XKR6: variants seen among roughly 807,000 people sequenced by gnomAD.
The protein encoded by XKR6 is XK related 6.
XKR6 carries 22 observed loss-of-function variants against 56.7 expected under a neutral mutation model. The ratio of observed to expected loss-of-function variants is 0.39; its 90% confidence interval spans 0.28 to 0.55. The LOEUF (loss-of-function observed/expected upper bound fraction) is 0.55, where lower values mean the gene tolerates loss of function less well. Ranked by LOEUF, XKR6 falls within the 20% of genes least tolerant of loss-of-function variation. XKR6 has a pLI of 0.66. For missense variants in XKR6, 852 were observed against 889.0 expected (o/e 0.96, Z 0.53); for synonymous variants, 524 against 387.8 (o/e 1.35, Z -4.13).
intron 1 of XKR6, among the ~76,000 whole-genome samples, chr8:10,956,126 T>C (rs7006612): frequency 0.19 from 28,686 of 152,152 alleles, 3,831 homozygotes; most frequent in African/African-American, 0.38. Flanking sequence ...GCTGCTCCCC[T>C]TCACAGGTCC....
intron 1 of XKR6, among the ~76,000 whole-genome samples, chr8:11,036,396 C>G (rs1799144671): frequency 6.6e-6 from 1 of 152,140 alleles, no homozygotes; most frequent in Non-Finnish European, 1.5e-5. Flanking sequence ...TAAGAATAAC[C>G]CCAAAGATAT....
rs1009916237 is a variant in XKR6, at chr8:10,912,205, G to A, written c.961+12429C>T. ...GTGTATATATAGAGTGGGATGGTGT[G>A]TGTGTGTATATATACAGAGAGAGAG... On this transcript the variant is annotated intron_variant, in intron 2 of 2. Transcript: ENST00000416569. Among the ~76,000 whole-genome samples the A allele has an allele frequency of 4.1e-5, 6 of 147,326 alleles. No individual in the cohort carries two copies. The Admixed American group carries it at 4.1e-4, about 10-fold the overall frequency.
chr8:11,002,990 G>C (rs1798278978), intron 1 of XKR6, among the ~76,000 whole-genome samples: 1 of 151,932 alleles, frequency 6.6e-6, no homozygotes, highest in Non-Finnish European at 1.5e-5. Flanking sequence ...CACTGGCTAA[G>C]GGGACCACTG....
At chr8:11,010,499 T>C (rs1798475475) in intron 1 of XKR6, among the ~76,000 whole-genome samples, 1 of 152,206 alleles carries the variant, frequency 6.6e-6, no homozygotes, top group South Asian at 2.1e-4. Context: ...GTGTGACTAC[T>C]GAGTAATGCA....
At chr8:11,072,834 G>A (rs924286040) in intron 1 of XKR6, among the ~76,000 whole-genome samples, 1 of 151,748 alleles carries the variant, frequency 6.6e-6, no homozygotes, top group South Asian at 2.1e-4. Flanking sequence ...TGGATCACTT[G>A]AGGTCAGGGG....
intron 1 of XKR6, among the ~76,000 whole-genome samples, chr8:11,088,306 G>A (rs569735345): frequency 6.6e-6 from 1 of 152,276 alleles, no homozygotes; most frequent in African/African-American, 2.4e-5. Context: ...TGATAATTCT[G>A]ACCCAGATCC....
At chr8:11,013,145 G>A (rs981587736) in intron 1 of XKR6, among the ~76,000 whole-genome samples, 4 of 152,162 alleles carry the variant, frequency 2.6e-5, no homozygotes, top group Admixed American at 2.0e-4. Flanking sequence ...TTAACACCAT[G>A]AGGCATTTAA....
intron 2 of XKR6, among the ~76,000 whole-genome samples, chr8:10,907,694 A>G (rs1800221328): frequency 6.6e-6 from 1 of 152,196 alleles, no homozygotes; most frequent in Non-Finnish European, 1.5e-5. Context: ...CTCAACCACA[A>G]ATTAAAGAAT....
rs151004334 is a variant in XKR6, at chr8:11,121,948, T to C, written c.764+78628A>G. 5.8e-3 allele frequency among the ~76,000 whole-genome samples: 876 copies of C among 152,292 alleles called. 12 individuals are homozygous for C. The highest frequency in any genetic ancestry group is 0.02 in the African/African-American group (843 of 41,568). ...ACTATCGCCAGGACAAAAAACCATA[T>C]ACCACATGTTCTCACTCATAGGTGG... is the stretch of plus-strand genomic sequence containing the variant. On this transcript the variant is annotated intron_variant, in intron 1 of 2. Transcript: ENST00000416569.
intron 1 of XKR6, among the ~76,000 whole-genome samples, chr8:11,011,247 C>T (rs977070233): frequency 6.6e-6 from 1 of 152,196 alleles, no homozygotes; most frequent in African/African-American, 2.4e-5. Context: ...AATACAGTGA[C>T]ATCAGTGCCA....
chr8:11,170,386 A>G (rs1385277959), intron 1 of XKR6, among the ~76,000 whole-genome samples: 1 of 152,238 alleles, frequency 6.6e-6, no homozygotes, highest in African/African-American at 2.4e-5. Context: ...GGAGTGAAGT[A>G]TTGATTCAGG....
chr8:11,104,061 G>A (rs911885848), intron 1 of XKR6, among the ~76,000 whole-genome samples: 15 of 152,200 alleles, frequency 9.9e-5, no homozygotes, highest in Non-Finnish European at 1.9e-4. Context: ...AAGTCCCACA[G>A]AATACAGAAA....
intron 1 of XKR6, among the ~76,000 whole-genome samples, chr8:11,158,970 C>A (rs1208982612): frequency 6.6e-6 from 1 of 152,186 alleles, no homozygotes; most frequent in Non-Finnish European, 1.5e-5. Flanking sequence ...CAGTAGGACA[C>A]GTGATTAAAA....
chr8:10,912,582 G>C (rs1317085258), intron 2 of XKR6, among the ~76,000 whole-genome samples: 1 of 143,610 alleles, frequency 7.0e-6, no homozygotes, highest in Admixed American at 7.0e-5. Context: ...ATGTGTGTGT[G>C]CATATATATA....
At chr8:11,114,769 GTGTGTA>G (rs1799087538) in intron 1 of XKR6, among the ~76,000 whole-genome samples, 2 of 142,148 alleles carry the variant, frequency 1.4e-5, no homozygotes, top group African/African-American at 2.6e-5. Context: ...GTGTGTGTGT[GTGTGTA>G]TGTGCCAGGG....
intron 1 of XKR6, among the ~76,000 whole-genome samples, chr8:10,939,604 G>C (rs961015982): frequency 2.0e-5 from 3 of 152,222 alleles, no homozygotes; most frequent in African/African-American, 7.2e-5. Context: ...TTCTATGAGC[G>C]CTTGTATCCC....
intron 1 of XKR6, among the ~76,000 whole-genome samples, chr8:10,953,309 C>A (rs1317999406): frequency 1.3e-5 from 2 of 152,138 alleles, no homozygotes; most frequent in Admixed American, 6.5e-5. Context: ...TGAGTGAATT[C>A]TCTGGAGATC....
intron 1 of XKR6, among the ~76,000 whole-genome samples, chr8:11,114,435 C>G (rs1363085643): frequency 6.6e-6 from 1 of 152,176 alleles, no homozygotes; most frequent in Non-Finnish European, 1.5e-5. Context: ...GATCTCAGCT[C>G]ATTGCAGCCT....
intron 1 of XKR6, among the ~76,000 whole-genome samples, chr8:11,063,681 T>C (rs1045678373): frequency 1.3e-5 from 2 of 152,172 alleles, no homozygotes; most frequent in Non-Finnish European, 2.9e-5. Context: ...AATTTTAATA[T>C]ATGGGGAGAG....
Sources: allele counts gnomAD v4.1 joint callset (sites outside exome capture counted in the v4.1 genomes callset), GRCh38; gene constraint gnomAD v4.1.1; transcripts MANE v1.5; gene names NCBI Gene and HGNC (gene_info 2026-07-23, HGNC 2026-07-21).